Variants in KANSL1L observed in about 807,000 individuals in gnomAD.
KANSL1L encodes KAT8 regulatory NSL complex subunit 1-like protein.
A neutral mutation model predicts 108.6 loss-of-function variants in KANSL1L; 25 were observed. The observed-to-expected ratio is 0.23, with a 90% CI of 0.17 to 0.32. The LOEUF is 0.32. Ranked by LOEUF, KANSL1L falls within the 10% of genes least tolerant of loss-of-function variation. The pLI, the probability that KANSL1L is intolerant of heterozygous loss-of-function variation, is 1.00. For missense variants in KANSL1L, 1,137 were observed against 1,125.7 expected, an observed-to-expected ratio of 1.01 and a Z score of -0.14; for synonymous variants, 405 against 395.1, an observed-to-expected ratio of 1.03 and a Z score of -0.30.
intron 5 of KANSL1L, chr2:210,097,289 A>C (rs1246533111): frequency 1.2e-6 from 1 of 847,598 alleles, no homozygotes; most frequent in Non-Finnish European, 1.4e-6. Flanking sequence ...ATAAATTTTC[A>C]TTTTATGCTA....
At chr2:210,161,378 G>GT (rs1048358645) in intron 1 of KANSL1L, among the ~76,000 whole-genome samples, 3 of 149,356 alleles carry the variant, frequency 2.0e-5, no homozygotes, top group Non-Finnish European at 3.0e-5. Flanking sequence ...CATCCATAGG[G>GT]AAAAAAAAAT....
intron 1 of KANSL1L, among the ~76,000 whole-genome samples, chr2:210,161,826 T>C (rs2095362909): frequency 2.0e-5 from 3 of 152,002 alleles, no homozygotes; most frequent in African/African-American, 7.2e-5. Context: ...AAACAATTTG[T>C]TCAAGGCAAA....
At chr2:210,100,119 G>T (rs1325030577) in intron 4 of KANSL1L, among the ~76,000 whole-genome samples, 3 of 152,116 alleles carry the variant, frequency 2.0e-5, no homozygotes, top group African/African-American at 7.2e-5. Context: ...TACCACCTGA[G>T]CTCCGCCTCC....
rs764300412 is a variant in KANSL1L, at chr2:210,027,337, C to T, written c.2410G>A (p.Val804Ile). 1 of 1,612,546 alleles carries T rather than the reference C, an allele frequency of 6.2e-7. No individual in the cohort carries two copies. Among genetic ancestry groups the T allele is most frequent in the Non-Finnish European group, 8.5e-7 (1 of 1,178,838 alleles). Residue 804 changes from valine to isoleucine, a missense_variant, in exon 12 of 15, where the codon GTT (valine) becomes ATT (isoleucine). Physicochemically the swap from Val to Ile is conservative, Grantham distance 29 (BLOSUM62 3). This residue lies in a region of KANSL1L where 575 missense variants were observed against 567.1 expected (regional missense o/e 1.01). Coordinates refer to ENST00000281772, the MANE Select transcript of KANSL1L (RefSeq NM_152519.4). ...EILTPSWRMV[V>I]LQPLDEYNLG... The stretch of plus-strand genomic sequence containing the variant: ...TTATATTCATCCAAAGGCTGAAGAA[C>T]AACCATCCTCCAGCTGTTGAAGATA...
chr2:210,109,715 T>C (rs2094886056), intron 3 of KANSL1L, among the ~76,000 whole-genome samples: 1 of 152,122 alleles, frequency 6.6e-6, no homozygotes. Flanking sequence ...TGCTTCCTAT[T>C]AAAGGGTTCT....
At chr2:210,121,086 G>A (rs2095014845) in intron 3 of KANSL1L, among the ~76,000 whole-genome samples, 1 of 152,122 alleles carries the variant, frequency 6.6e-6, no homozygotes, top group South Asian at 2.1e-4. Context: ...AGACAGTGTG[G>A]CAATTCCTCA....
At chr2:210,123,413 T>A (rs923422982) in intron 3 of KANSL1L, among the ~76,000 whole-genome samples, 2 of 152,072 alleles carry the variant, frequency 1.3e-5, no homozygotes, top group South Asian at 4.1e-4. Context: ...TTATGTTAAG[T>A]GAAATAAGCC....
At chr2:210,143,250 A>G (rs185892580) in intron 2 of KANSL1L, among the ~76,000 whole-genome samples, 45 of 151,846 alleles carry the variant, frequency 3.0e-4, no homozygotes, top group Admixed American at 2.6e-4. Flanking sequence ...TCTGATATAC[A>G]TGTAGCTACC....
intron 1 of KANSL1L, chr2:210,170,738 A>T (rs964239362): frequency 6.6e-6 from 1 of 152,226 alleles, no homozygotes; most frequent in Non-Finnish European, 1.5e-5. Flanking sequence ...CCACACCCCC[A>T]ATGGGTGAGG....
chr2:210,133,959 G>A (rs918672478), intron 2 of KANSL1L, among the ~76,000 whole-genome samples: 6 of 151,810 alleles, frequency 4.0e-5, no homozygotes, highest in South Asian at 2.1e-4. Context: ...TCTTTAGTGC[G>A]TGTATACTGA....
intron 9 of KANSL1L, among the ~76,000 whole-genome samples, chr2:210,030,499 C>CTTTTTTTT (rs34540957): frequency 8.5e-6 from 1 of 118,174 alleles, no homozygotes. Context: ...CTTCCAAGTT[C>CTTTTTTTT]TTTTTTTTTT....
At chr2:210,078,000 T>C (rs2094554291) in intron 5 of KANSL1L, among the ~76,000 whole-genome samples, 1 of 152,242 alleles carries the variant, frequency 6.6e-6, no homozygotes, top group African/African-American at 2.4e-5. Flanking sequence ...TATTTTTTAT[T>C]TGTGTGAACA....
intron 5 of KANSL1L, among the ~76,000 whole-genome samples, chr2:210,094,635 A>C (rs2094720333): frequency 6.6e-6 from 1 of 152,096 alleles, no homozygotes; most frequent in Admixed American, 6.5e-5. Context: ...ATCTCCGATT[A>C]ATTTTAAAAA....
chr2:210,138,775 G>A (rs1009586469), intron 2 of KANSL1L, among the ~76,000 whole-genome samples: 6 of 151,972 alleles, frequency 3.9e-5, no homozygotes, highest in African/African-American at 1.2e-4. Flanking sequence ...ATTTTTTATG[G>A]TAACAACATT....
In KANSL1L at chr2:210,031,435, C is replaced by T. The variant is rs746288323; in HGVS notation, c.2141G>A (p.Ser714Asn). Reference sequence around the variant, plus strand: ...CTTTAACCTACCTAATGCTGTTTCACTCAAATGTCTTTTCTTTCTTCCCTG... The same window carrying T: ...CTTTAACCTACCTAATGCTGTTTCATTCAAATGTCTTTTCTTTCTTCCCTG... ...LLQGRKKRHL[S>N]ETALGERTKL... is the part of the protein sequence containing the mutation. Residue 714 changes from serine to asparagine, a missense_variant, in exon 9 of 15, where the codon AGT becomes AAT. By Grantham distance (46) the Ser-to-Asn change is conservative. Around this residue, in one of 3 missense-constraint regions of KANSL1L, gnomAD observed 575 missense variants for 567.1 expected, o/e 1.01. Coordinates refer to ENST00000281772, the MANE Select transcript of KANSL1L (RefSeq NM_152519.4). 1 of 1,599,950 alleles carries T rather than the reference C, an allele frequency of 6.3e-7. No individual in the cohort carries two copies. The highest frequency in any genetic ancestry group is 8.6e-7 in the Non-Finnish European group (1 of 1,169,396).
At chr2:210,032,491 A>C (rs1318361319) in intron 8 of KANSL1L, 4 of 152,242 alleles carry the variant, frequency 2.6e-5, no homozygotes, top group African/African-American at 9.7e-5. Context: ...GACGCCACTA[A>C]AGGTGCTCTA....
intron 2 of KANSL1L, among the ~76,000 whole-genome samples, chr2:210,150,578 C>T (rs1392542037): frequency 6.6e-6 from 1 of 151,862 alleles, no homozygotes; most frequent in East Asian, 1.9e-4. Flanking sequence ...AGGTCAAGAG[C>T]TTGAGACCAG....
chr2:210,080,145 G>GCACA (rs79443997), intron 5 of KANSL1L: 4,074 of 146,168 alleles, frequency 0.028, 76 homozygotes, highest in Middle Eastern at 0.097. Flanking sequence ...ACACACGCGT[G>GCACA]CACACACACA....
intron 1 of KANSL1L, among the ~76,000 whole-genome samples, chr2:210,159,605 A>G (rs1268483825): frequency 1.3e-5 from 2 of 152,254 alleles, no homozygotes; most frequent in African/African-American, 4.8e-5. Flanking sequence ...ATTGATCATG[A>G]TATTTAAAGG....
Sources: gnomAD v4.1 joint callset for allele counts (sites outside exome capture counted in the v4.1 genomes callset) on GRCh38, gnomAD v4.1.1 for gene constraint, gnomAD v4.1.1 regional missense constraint, MANE v1.5 for transcripts, NCBI Gene and HGNC (gene_info 2026-07-23, HGNC 2026-07-21) for gene names.